ELOC: variants seen among roughly 807,000 people sequenced by gnomAD.
ELOC encodes the protein elongin C, also known as elongin-C.
For synonymous variants in ELOC, 40 were observed against 51.3 expected (o/e 0.78, Z 0.94); for missense variants, 38 against 139.0 (o/e 0.27, Z 3.65).
At chr8:73,959,621 CTG>C (rs1409264806) in intron 2 of ELOC, 142 bp downstream of exon 2, 1 of 597,800 alleles carries the variant, frequency 1.7e-6, no homozygotes, top group African/African-American at 1.9e-5. Context: ...TAGGGCATGA[CTG>C]TGTAGTAAAC....
chr8:73,954,046 A>G (rs571514882), intron 3 of ELOC, among the ~76,000 whole-genome samples: 2 of 152,362 alleles, frequency 1.3e-5, no homozygotes, highest in Middle Eastern at 6.8e-3. Context: ...CACCACATAA[A>G]TGAACCTTGA....
rs1428698198 is a variant in ELOC at position 73,945,328 on chromosome 8, A to T, written c.*1302T>A. The T allele has an allele frequency of 6.6e-6, 1 of 152,148 alleles. No individual in the cohort carries two copies. Among genetic ancestry groups the T allele is most frequent in the African/African-American group, 2.4e-5 (1 of 41,396 alleles). 9.4% of individuals were successfully genotyped at this position (152,148 alleles called of 1,614,324 possible). A position where few individuals can be genotyped will look rare whatever the true frequency, so the allele number is the denominator to read the frequency against. On this transcript the variant is annotated 3_prime_UTR_variant, in exon 4 of 4. Transcript: ENST00000520242. Reference sequence around the variant, plus strand: ...GAGATGGGGTTTTGCCATGGTGGCCAGGCTGGTCTCAAACTCCTGGCCTCA... The same window carrying T: ...GAGATGGGGTTTTGCCATGGTGGCCTGGCTGGTCTCAAACTCCTGGCCTCA...
intron 1 of ELOC, chr8:73,971,805 C>T (rs1347732660): frequency 6.6e-6 from 1 of 152,320 alleles, no homozygotes; most frequent in East Asian, 1.9e-4. Context: ...CCCTCCCGCG[C>T]TCAGCCCGGA....
At chr8:73,950,815 A>G (rs1813704791) in intron 3 of ELOC, among the ~76,000 whole-genome samples, 1 of 152,236 alleles carries the variant, frequency 6.6e-6, no homozygotes, top group South Asian at 2.1e-4. Context: ...TGAAATATGG[A>G]CAGCATACAA....
intron 2 of ELOC, among the ~76,000 whole-genome samples, chr8:73,958,888 A>C (rs1814394542): frequency 6.6e-6 from 1 of 152,198 alleles, no homozygotes; most frequent in Non-Finnish European, 1.5e-5. Context: ...AAACATCCTA[A>C]GAGTGTACTT....
At chr8:73,970,871 A>AAC (rs1563691380) in intron 1 of ELOC, among the ~76,000 whole-genome samples, 196 of 148,816 alleles carry the variant, frequency 1.3e-3, no homozygotes, top group African/African-American at 4.4e-3. Context: ...AAACAAAACA[A>AAC]AAAAAAAACA....
At chr8:73,957,822 G>A (rs1195364818) in intron 2 of ELOC, among the ~76,000 whole-genome samples, 1 of 151,900 alleles carries the variant, frequency 6.6e-6, no homozygotes, top group Non-Finnish European at 1.5e-5. Flanking sequence ...TCTCACTTTT[G>A]TTGTGGAGTA....
intron 3 of ELOC, among the ~76,000 whole-genome samples, chr8:73,950,322 T>C (rs1387432618): frequency 6.6e-6 from 1 of 152,182 alleles, no homozygotes; most frequent in African/African-American, 2.4e-5. Context: ...AATATAGTCA[T>C]GAATTCATGA....
At chr8:73,948,528 C>G (rs144780645) in intron 3 of ELOC, among the ~76,000 whole-genome samples, 2 of 152,258 alleles carry the variant, frequency 1.3e-5, no homozygotes, top group African/African-American at 4.8e-5. Context: ...TGATATCATA[C>G]CACTGCACTC....
chr8:73,949,323 C>G (rs1297111763), intron 3 of ELOC, among the ~76,000 whole-genome samples: 2 of 152,156 alleles, frequency 1.3e-5, no homozygotes, highest in African/African-American at 4.8e-5. Flanking sequence ...TTCTTAAATA[C>G]ATGCCTGAAA....
At chr8:73,971,083 A>G (rs1815361669) in intron 1 of ELOC, among the ~76,000 whole-genome samples, 2 of 151,420 alleles carry the variant, frequency 1.3e-5, no homozygotes, top group African/African-American at 4.8e-5. Flanking sequence ...TGGCAGTTAA[A>G]AAGTGAGAAA....
chr8:73,957,487 C>G (rs1327454202), intron 2 of ELOC, among the ~76,000 whole-genome samples: 2 of 152,080 alleles, frequency 1.3e-5, no homozygotes, highest in Non-Finnish European at 2.9e-5. Flanking sequence ...ATTCTAAAAA[C>G]TCAGGAAGCC....
chr8:73,969,135 A>G (rs944631743), intron 1 of ELOC, among the ~76,000 whole-genome samples: 3 of 152,024 alleles, frequency 2.0e-5, no homozygotes, highest in Non-Finnish European at 4.4e-5. Context: ...CAACTTTTCT[A>G]CTGCACATAT....
chr8:73,959,403 G>A (rs530498509), intron 2 of ELOC, among the ~76,000 whole-genome samples: 180 of 151,974 alleles, frequency 1.2e-3, no homozygotes, highest in African/African-American at 3.9e-3. Flanking sequence ...TATTCTATAT[G>A]CTTTTTTCTA....
chr8:73,960,809 C>T (rs760098124), intron 1 of ELOC, among the ~76,000 whole-genome samples: 131 of 152,180 alleles, frequency 8.6e-4, no homozygotes, highest in African/African-American at 5.8e-4. Context: ...GAAGTAACTT[C>T]CATGAGAATA....
intron 3 of ELOC, among the ~76,000 whole-genome samples, chr8:73,951,079 T>C (rs1183712799): frequency 3.9e-5 from 6 of 152,138 alleles, no homozygotes; most frequent in Non-Finnish European, 2.9e-5. Flanking sequence ...AAGAACAGCC[T>C]GACCAACACA....
intron 3 of ELOC, among the ~76,000 whole-genome samples, chr8:73,950,636 A>G (rs1813691422): frequency 6.6e-6 from 1 of 152,216 alleles, no homozygotes; most frequent in Non-Finnish European, 1.5e-5. Context: ...CAGCCTGACA[A>G]CCTGGAACCC....
At position 73,956,002 on chromosome 8, in the gene ELOC, G is replaced by T. The variant is rs776507282; in HGVS notation, c.57C>A (p.Val19=). The part of the protein sequence containing the change: ...GGCEGPDAMY[V]KLISSDGHEF... Reference sequence around the variant, plus strand: ...CATGGCCATCAGATGATATCAATTTGACATACATGGCATCAGGTCCTTCAC... The same window carrying T: ...CATGGCCATCAGATGATATCAATTTTACATACATGGCATCAGGTCCTTCAC... Residue 19 remains valine, a synonymous_variant, in exon 3 of 4, where the codon GTC becomes GTA. Coordinates refer to ENST00000520242, the MANE Select transcript of ELOC (RefSeq NM_005648.4). The T allele has an allele frequency of 6.2e-7, 1 of 1,613,858 alleles. No individual in the cohort carries two copies. The highest frequency in any genetic ancestry group is 1.7e-5 in the Admixed American group (1 of 59,990).
chr8:73,962,066 T>C (rs1055286330), intron 1 of ELOC, among the ~76,000 whole-genome samples: 2 of 151,868 alleles, frequency 1.3e-5, no homozygotes, highest in African/African-American at 2.4e-5. Context: ...CAGCTAATTT[T>C]TGTATTTTCA....
Sources: allele counts gnomAD v4.1 joint callset (sites outside exome capture counted in the v4.1 genomes callset), GRCh38; gene constraint gnomAD v4.1.1; transcripts MANE v1.5; gene names NCBI Gene and HGNC (gene_info 2026-07-23, HGNC 2026-07-21).